Variants in DMXL1 observed in about 807,000 individuals in gnomAD.
DMXL1 encodes dmX-like protein 1.
A neutral mutation model predicts 319.2 loss-of-function variants in DMXL1; 99 were observed. The ratio of observed to expected loss-of-function variants is 0.31; its 90% CI spans 0.26 to 0.37. The LOEUF is 0.37. DMXL1 is among the 10% of genes least tolerant of loss of function. DMXL1 has a pLI of 1.00. For missense variants in DMXL1, 3,745 were observed against 3,595.6 expected (o/e 1.04, Z -1.06); for synonymous variants, 1,385 against 1,235.2 (o/e 1.12, Z -2.54).
chr5:119,077,053 C>G (rs551786396), intron 1 of DMXL1, among the ~76,000 whole-genome samples: 3 of 152,304 alleles, frequency 2.0e-5, no homozygotes, highest in African/African-American at 7.2e-5. Flanking sequence ...GGGGGTCTCA[C>G]TGTATTGACC....
At chr5:119,109,962 A>T (rs937238038) in intron 4 of DMXL1, among the ~76,000 whole-genome samples, 189 bp from the exon 5 acceptor site, 1 of 152,250 alleles carries the variant, frequency 6.6e-6, no homozygotes, top group Non-Finnish European at 1.5e-5. Flanking sequence ...GTGAGAGATT[A>T]TAAGATTTCT....
chr5:119,238,871 A>G, intron 40 of DMXL1, 118 bp from the exon 41 acceptor site: 2 of 1,465,240 alleles, frequency 1.4e-6, no homozygotes, highest in Admixed American at 4.9e-5. Flanking sequence ...AAGGAAAAAA[A>G]CGATACAGAG....
At chr5:119,092,529 C>G (rs1365845408) in intron 1 of DMXL1, among the ~76,000 whole-genome samples, 1 of 152,126 alleles carries the variant, frequency 6.6e-6, no homozygotes, top group Admixed American at 6.5e-5. Flanking sequence ...AAAGTTCACC[C>G]TTTTAAAGTG....
At chr5:119,165,112 C>A in intron 20 of DMXL1, 71 bp from the exon 21 acceptor site, 1 of 900,726 alleles carries the variant, frequency 1.1e-6, no homozygotes, top group Non-Finnish European at 1.8e-6. Context: ...ATGTGCCAGC[C>A]TTTCATATGA....
In DMXL1 at chr5:119,121,026, A is replaced by T. The variant is rs746617202; in HGVS notation, c.989A>T (p.His330Leu). ...GRRRSLALVA[H>L]TGYLPHQQDP... Reference sequence around the variant, plus strand: ...AGGAGATCACTTGCTCTTGTAGCACATACGGGATATCTACCACATCAGCAG... The same window carrying T: ...AGGAGATCACTTGCTCTTGTAGCACTTACGGGATATCTACCACATCAGCAG... Residue 330 changes from histidine to leucine, a missense_variant, in exon 9 of 44, where the codon CAT becomes CTT. By Grantham distance (99) the His-to-Leu change is moderately conservative. Coordinates refer to ENST00000539542, the MANE Select transcript of DMXL1 (RefSeq NM_001290321.3). 22 of 1,613,856 alleles carry T rather than the reference A, an allele frequency of 1.4e-5. No individual in the cohort carries two copies. Among genetic ancestry groups the T allele is most frequent in the East Asian group, 1.1e-4 (5 of 44,872 alleles).
At chr5:119,162,607 C>T (rs1252896508) in intron 19 of DMXL1, among the ~76,000 whole-genome samples, 2 of 152,188 alleles carry the variant, frequency 1.3e-5, no homozygotes, top group East Asian at 3.8e-4. Context: ...CCTTAAGGCT[C>T]TGCCTGTTAA....
chr5:119,228,193 A>G (rs1048602855), intron 38 of DMXL1, among the ~76,000 whole-genome samples: 8 of 152,220 alleles, frequency 5.3e-5, no homozygotes, highest in Admixed American at 3.3e-4. Flanking sequence ...ACACTGTCCA[A>G]TGATAGGATC....
intron 28 of DMXL1, chr5:119,178,446 A>G (rs1188564571): frequency 2.1e-5 from 8 of 373,244 alleles, no homozygotes; most frequent in South Asian, 1.1e-4. Flanking sequence ...TCCTGTACCA[A>G]TAATTAGAAC....
At chr5:119,179,792 C>T (rs145227333) in intron 28 of DMXL1, among the ~76,000 whole-genome samples, 6 of 152,136 alleles carry the variant, frequency 3.9e-5, no homozygotes, top group Non-Finnish European at 8.8e-5. Context: ...CTAGGACTCT[C>T]ATACTTTCTA....
At chr5:119,238,328 A>T (rs1788129035) in intron 40 of DMXL1, among the ~76,000 whole-genome samples, 1 of 151,768 alleles carries the variant, frequency 6.6e-6, no homozygotes, top group South Asian at 2.1e-4. Flanking sequence ...TGGGATACTT[A>T]AAAAAAATCA....
Position 119,247,467 on chromosome 5 carries a change from C to T in DMXL1, c.*248C>T. 3.3e-6 allele frequency: 1 copy of T among 307,204 alleles called. No individual in the cohort carries two copies. The highest frequency in any genetic ancestry group is 6.1e-5 in the South Asian group (1 of 16,370). 19.0% of individuals were successfully genotyped at this position (307,204 alleles called of 1,614,324 possible). A position where few individuals can be genotyped will look rare whatever the true frequency, so the allele number is the denominator to read the frequency against. On this transcript the variant is annotated 3_prime_UTR_variant, in exon 44 of 44. Coordinates refer to ENST00000539542, the MANE Select transcript of DMXL1 (RefSeq NM_001290321.3). Reference sequence around the variant, plus strand: ...AATACATATCATAGTATATTATAATCAGTATGTCATAGTGTTAAAGGTGTT... The same window carrying T: ...AATACATATCATAGTATATTATAATTAGTATGTCATAGTGTTAAAGGTGTT...
intron 37 of DMXL1, among the ~76,000 whole-genome samples, chr5:119,222,085 T>C (rs115836194): frequency 2.8e-4 from 42 of 152,300 alleles, no homozygotes; most frequent in Non-Finnish European, 5.0e-4. Flanking sequence ...TGAGCAATTG[T>C]TCAAGTAAAA....
At chr5:119,073,310 C>T (rs1209793728) in intron 1 of DMXL1, among the ~76,000 whole-genome samples, 1 of 152,180 alleles carries the variant, frequency 6.6e-6, no homozygotes, top group Non-Finnish European at 1.5e-5. Flanking sequence ...GATCCTCCCA[C>T]TTCAGCCTCC....
At chr5:119,221,391 T>A (rs1191382318) in intron 37 of DMXL1, among the ~76,000 whole-genome samples, 1 of 152,238 alleles carries the variant, frequency 6.6e-6, no homozygotes, top group Non-Finnish European at 1.5e-5. Context: ...ACCCATGACC[T>A]GTTTTTATAT....
rs764964575 is a variant in DMXL1 at position 119,171,930 on chromosome 5, C to T, written c.6642C>T (p.Asn2214=). 6.2e-7 allele frequency: 1 copy of T among 1,613,600 alleles called. No individual in the cohort carries two copies. Among genetic ancestry groups the T allele is most frequent in the Non-Finnish European group, 8.5e-7 (1 of 1,179,742 alleles). The part of the protein sequence containing the change: ...LTHDILHAII[N]FDSPPHPDIQ... Reference sequence around the variant, plus strand: ...ATGATATTCTCCATGCCATAATAAACTTTGATTCACCACCCCACCCTGATA... The same window carrying T: ...ATGATATTCTCCATGCCATAATAAATTTTGATTCACCACCCCACCCTGATA... Residue 2214 remains asparagine, a synonymous_variant, in exon 25 of 44, where the codon AAC becomes AAT. Transcript: ENST00000539542.
rs577182426 is a variant in DMXL1 at position 119,101,942 on chromosome 5, C to T, written c.221C>T (p.Ala74Val). ...TTTTTTTCTTTTTAAAAGATTGCAG[C>T]GTCTTATGGAAATGTTATCTCCATT... ...DCSMQQGKIA[A>V]SYGNVISIFE... Residue 74 changes from alanine (A) to valine (V), a missense_variant, in exon 3 of 44, where the codon GCG becomes GTG. By Grantham distance (64) the Ala-to-Val change is moderately conservative. Transcript: ENST00000539542. 21 of 1,594,756 alleles carry T rather than the reference C, an allele frequency of 1.3e-5. No individual in the cohort carries two copies. The Admixed American group carries it at 1.6e-4, about 12-fold the overall frequency.
At chr5:119,229,288 A>G (rs1786206936) in intron 38 of DMXL1, among the ~76,000 whole-genome samples, 1 of 152,168 alleles carries the variant, frequency 6.6e-6, no homozygotes, top group South Asian at 2.1e-4. Flanking sequence ...ACAGGAAATT[A>G]TCTTGATAAA....
intron 1 of DMXL1, among the ~76,000 whole-genome samples, chr5:119,071,951 T>A (rs1749687502): frequency 6.6e-6 from 1 of 152,184 alleles, no homozygotes; most frequent in African/African-American, 2.4e-5. Context: ...TTCAAAAATC[T>A]TTGTTGAGTA....
In DMXL1 at chr5:119,071,363, C is replaced by T; in HGVS notation, c.-207C>T. On this transcript the variant is annotated 5_prime_UTR_variant, in exon 1 of 44. Coordinates refer to ENST00000539542, the MANE Select transcript of DMXL1 (RefSeq NM_001290321.3). ...GGAGCGCGGCGCTCCGCCCTCTCGC[C>T]GACCCGCCCCCTCCGGGCCTCGCCC... 1 of 553,334 alleles carries T rather than the reference C, an allele frequency of 1.8e-6. No homozygotes were observed. The highest frequency in any genetic ancestry group is 2.0e-5 in the African/African-American group (1 of 49,084). The allele number at this position is 553,334 out of a possible 1,614,324, so 34.3% of individuals were successfully genotyped here. A position where few individuals can be genotyped will look rare whatever the true frequency, so the allele number is the denominator to read the frequency against.
Sources: allele counts gnomAD v4.1 joint callset (sites outside exome capture counted in the v4.1 genomes callset), GRCh38; gene constraint gnomAD v4.1.1; transcripts MANE v1.5; gene names NCBI Gene and HGNC (gene_info 2026-07-23, HGNC 2026-07-21).